The following SH3RF3 variants were observed in gnomAD, a reference collection of about 807,000 sequenced individuals.
The protein encoded by SH3RF3 is E3 ubiquitin-protein ligase SH3RF3.
Under a neutral mutation model 66.3 loss-of-function variants are expected in SH3RF3, and 29 were observed. The observed-to-expected ratio is 0.44, with a 90% confidence interval of 0.33 to 0.60. The LOEUF is 0.60. Among genes scored for constraint, SH3RF3 ranks in the 20% least tolerant of loss-of-function variants. The pLI, the probability that SH3RF3 is intolerant of heterozygous loss-of-function variation, is 0.04. For missense variants in SH3RF3, 1,194 were observed against 1,190.9 expected (o/e 1.00, Z -0.04); for synonymous variants, 583 against 532.0 (o/e 1.10, Z -1.32).
intron 3 of SH3RF3, 79 bp from the exon 4 acceptor site, chr2:109,398,511 T>G: frequency 7.9e-7 from 1 of 1,258,598 alleles, no homozygotes; most frequent in South Asian, 1.5e-5. Flanking sequence ...AATGGAAATG[T>G]GGCCTGGAGA....
chr2:109,330,327 CTT>C (rs1682255170), intron 1 of SH3RF3, among the ~76,000 whole-genome samples: 1 of 152,138 alleles, frequency 6.6e-6, no homozygotes, highest in Non-Finnish European at 1.5e-5. Flanking sequence ...AAATTCTTCT[CTT>C]GTGCCTATCT....
At chr2:109,352,031 C>CA (rs1682849561) in intron 2 of SH3RF3, among the ~76,000 whole-genome samples, 1 of 152,214 alleles carries the variant, frequency 6.6e-6, no homozygotes, top group African/African-American at 2.4e-5. Context: ...ATGAGGTAGA[C>CA]ACAGATTCAA....
intron 1 of SH3RF3, among the ~76,000 whole-genome samples, chr2:109,332,804 G>A (rs1014476724): frequency 1.3e-5 from 2 of 152,174 alleles, no homozygotes; most frequent in African/African-American, 4.8e-5. Context: ...AATAGGACTC[G>A]GAATCACCCT....
At chr2:109,252,833 A>G (rs1328559229) in intron 1 of SH3RF3, among the ~76,000 whole-genome samples, 4 of 152,186 alleles carry the variant, frequency 2.6e-5, no homozygotes, top group Non-Finnish European at 5.9e-5. Flanking sequence ...CTTGAAAGTG[A>G]AAAACACTGG....
intron 1 of SH3RF3, among the ~76,000 whole-genome samples, chr2:109,146,158 A>C (rs1192230810): frequency 6.6e-6 from 1 of 152,188 alleles, no homozygotes; most frequent in Non-Finnish European, 1.5e-5. Flanking sequence ...AGTTTTCATT[A>C]GAATACGTAT....
At chr2:109,222,113 G>A (rs1252423182) in intron 1 of SH3RF3, among the ~76,000 whole-genome samples, 1 of 152,126 alleles carries the variant, frequency 6.6e-6, no homozygotes. Context: ...GCAAATATTG[G>A]ACGATCTCAC....
At chr2:109,343,482 C>G (rs1682604160) in intron 1 of SH3RF3, among the ~76,000 whole-genome samples, 1 of 152,158 alleles carries the variant, frequency 6.6e-6, no homozygotes, top group African/African-American at 2.4e-5. Flanking sequence ...ACAGGGGGCT[C>G]TCTTGCCTTC....
chr2:109,356,259 T>G lies in SH3RF3; in HGVS notation c.849+8310T>G, dbSNP rs149876544. On this transcript the variant is annotated intron_variant, in intron 2 of 9. Coordinates refer to ENST00000309415, the MANE Select transcript of SH3RF3 (RefSeq NM_001099289.3). ...GACTGCCAACTAAATAGGAACATTC[T>G]AGATCCCACCGCCCTCCTGAGGTCC... 6.0e-3 allele frequency among the ~76,000 whole-genome samples: 919 copies of G among 152,260 alleles called. 6 individuals carry two copies. Among genetic ancestry groups the G allele is most frequent in the Middle Eastern group, 0.034 (10 of 294 alleles).
At chr2:109,265,331 A>G (rs1361068013) in intron 1 of SH3RF3, among the ~76,000 whole-genome samples, 3 of 152,194 alleles carry the variant, frequency 2.0e-5, no homozygotes, top group Non-Finnish European at 2.9e-5. Context: ...GAAAACAAGC[A>G]AAATACTGCA....
intron 1 of SH3RF3, among the ~76,000 whole-genome samples, chr2:109,347,076 A>G (rs538815520): frequency 6.6e-6 from 1 of 152,282 alleles, no homozygotes; most frequent in Non-Finnish European, 1.5e-5. Context: ...GACGGATGCC[A>G]TGCACGCCTG....
At chr2:109,380,457 G>A (rs1418142816) in intron 3 of SH3RF3, among the ~76,000 whole-genome samples, 2 of 152,156 alleles carry the variant, frequency 1.3e-5, no homozygotes, top group Admixed American at 6.5e-5. Flanking sequence ...GTTTTACAGA[G>A]CTCATCAAGC....
chr2:109,466,686 T>C, intron 8 of SH3RF3, among the ~76,000 whole-genome samples: 1 of 152,224 alleles, frequency 6.6e-6, no homozygotes. Flanking sequence ...TATGTTATCT[T>C]CTAGGAGTTT....
chr2:109,395,722 T>A (rs960655341), intron 3 of SH3RF3, among the ~76,000 whole-genome samples: 1 of 152,188 alleles, frequency 6.6e-6, no homozygotes, highest in East Asian at 1.9e-4. Flanking sequence ...CAGTGCTCAG[T>A]GACCTGTGGC....
chr2:109,194,657 T>A (rs894371499), intron 1 of SH3RF3, among the ~76,000 whole-genome samples: 1 of 152,204 alleles, frequency 6.6e-6, no homozygotes, highest in Non-Finnish European at 1.5e-5. Context: ...GAGATGGGTT[T>A]GGTGATCAGC....
rs1347549300 is a variant in SH3RF3 at position 109,502,963 on chromosome 2, CAG to C, written c.*1293_*1294del. 1.3e-5 allele frequency: 2 copies of C among 152,202 alleles called. No homozygotes were observed. The highest frequency in any genetic ancestry group is 2.9e-5 in the Non-Finnish European group (2 of 68,046). 9.4% of individuals were successfully genotyped at this position (152,202 alleles called of 1,614,324 possible). On this transcript the variant is annotated 3_prime_UTR_variant, in exon 10 of 10. Coordinates refer to ENST00000309415, the MANE Select transcript of SH3RF3 (RefSeq NM_001099289.3). Reference sequence around the variant, plus strand: ...CTGGAGACCAGAGGTACAAGGAGATCAGGGGGTTGCAGCACCGCTGCAGGCTT... The same window carrying C: ...CTGGAGACCAGAGGTACAAGGAGATCGGGGTTGCAGCACCGCTGCAGGCTT...
chr2:109,417,796 T>C (rs1373491146), intron 4 of SH3RF3, among the ~76,000 whole-genome samples: 2 of 152,148 alleles, frequency 1.3e-5, no homozygotes, highest in African/African-American at 4.8e-5. Context: ...CAGGCTCTGC[T>C]ATGATTGCTG....
intron 1 of SH3RF3, among the ~76,000 whole-genome samples, chr2:109,250,656 G>A (rs932130228): frequency 7.2e-5 from 11 of 151,910 alleles, no homozygotes; most frequent in African/African-American, 2.7e-4. Context: ...AAACTATTGA[G>A]TATGAGGCAA....
chr2:109,388,114 C>T (rs72943391), intron 3 of SH3RF3, among the ~76,000 whole-genome samples: 2,063 of 152,272 alleles, frequency 0.014, 39 homozygotes, highest in African/African-American at 0.046. Context: ...CACCATCCTA[C>T]GCCTGCCCAC....
chr2:109,238,449 TTGTGTGTGTGTGTGTGTGTGTG>T (rs56112018), intron 1 of SH3RF3, among the ~76,000 whole-genome samples: 6,818 of 142,694 alleles, frequency 0.048, 480 homozygotes, highest in African/African-American at 0.16. Flanking sequence ...TTATGTATAT[TTGTGTGTGTGTGTGTGTGTGTG>T]TGTGTGTGTG....
Sources: allele counts gnomAD v4.1 joint callset (sites outside exome capture counted in the v4.1 genomes callset), GRCh38; gene constraint gnomAD v4.1.1; transcripts MANE v1.5; gene names NCBI Gene and HGNC (gene_info 2026-07-23, HGNC 2026-07-21).